Variants in NAALAD2 observed in about 807,000 individuals in gnomAD.
NAALAD2 encodes N-acetylated-alpha-linked acidic dipeptidase 2.
In NAALAD2, 89 loss-of-function variants were observed where a neutral mutation model predicts 95.6. The ratio of observed to expected loss-of-function variants is 0.93; its 90% CI spans 0.78 to 1.11. The LOEUF (loss-of-function observed/expected upper bound fraction) is 1.11, where lower values mean the gene tolerates loss of function less well. Among genes scored for constraint, NAALAD2 ranks in the 50% least tolerant of loss-of-function variants. The pLI is 0.00. For synonymous variants in NAALAD2, 264 were observed against 294.4 expected (o/e 0.90, Z 1.06); for missense variants, 894 against 872.4 (o/e 1.02, Z -0.31).
chr11:90,172,328 C>T (rs921721247), intron 13 of NAALAD2, among the ~76,000 whole-genome samples: 2 of 152,130 alleles, frequency 1.3e-5, no homozygotes, highest in African/African-American at 2.4e-5. Flanking sequence ...CTCATTCATA[C>T]AAAGCTAAGG....
rs573695006 is a variant in NAALAD2, at chr11:90,147,367, C to G, written c.232C>G (p.Gln78Glu). ...GCTTCCTCATCTGGCAGGAACAGAA[C>G]AAAATTTCTTGCTTGCCAAGAAAAT... ...TKLPHLAGTEQNFLLAKKIQT... is the reference protein window; with the variant it reads ...TKLPHLAGTEENFLLAKKIQT... Residue 78 changes from glutamine to glutamate, a missense_variant, in exon 3 of 19, where the codon CAA becomes GAA. Gln to Glu is a conservative substitution (Grantham distance 29, BLOSUM62 2). Coordinates refer to ENST00000534061, the MANE Select transcript of NAALAD2 (RefSeq NM_005467.4). 6.2e-7 allele frequency: 1 copy of G among 1,613,910 alleles called. No homozygotes were observed. The highest frequency in any genetic ancestry group is 8.5e-7 in the Non-Finnish European group (1 of 1,179,942).
intron 2 of NAALAD2, among the ~76,000 whole-genome samples, chr11:90,138,772 A>G (rs10830417): frequency 0.17 from 17,653 of 106,670 alleles, 1,817 homozygotes; most frequent in Admixed American, 0.39. Context: ...CATATTCACA[A>G]TCTCTTTCAT....
At chr11:90,154,324 T>C (rs11018883) in intron 6 of NAALAD2, among the ~76,000 whole-genome samples, 20,238 of 151,890 alleles carry the variant, frequency 0.13, 1,519 homozygotes, top group South Asian at 0.2. Flanking sequence ...AGTTTACTTC[T>C]ATCCTAATAT....
At chr11:90,176,104 C>T (rs1375174315) in intron 15 of NAALAD2, 42 bp downstream of exon 15, 1 of 1,481,756 alleles carries the variant, frequency 6.7e-7, no homozygotes, top group Non-Finnish European at 9.4e-7. Context: ...ATTTCATCTA[C>T]AGTCCTTTGG....
At chr11:90,182,214 A>G (rs1952994106) in intron 17 of NAALAD2, among the ~76,000 whole-genome samples, 1 of 152,130 alleles carries the variant, frequency 6.6e-6, no homozygotes, top group Non-Finnish European at 1.5e-5. Flanking sequence ...CCACTTTCAC[A>G]TTGAAAATAG....
At chr11:90,154,888 TG>T in intron 6 of NAALAD2, among the ~76,000 whole-genome samples, 1 of 117,786 alleles carries the variant, frequency 8.5e-6, no homozygotes, top group Non-Finnish European at 1.7e-5. Context: ...ACATAATATA[TG>T]TATATATTAT....
In NAALAD2 at chr11:90,134,692, T is replaced by C; in HGVS notation, c.-67T>C. On this transcript the variant is annotated 5_prime_UTR_variant, in exon 1 of 19. Transcript: ENST00000534061. ...CTCACAGCCTCCTGCCAGCGCGCTC[T>C]CTGTTTCTCTGCAGCCCCGAAGCTC... 1 of 1,524,930 alleles carries C rather than the reference T, an allele frequency of 6.6e-7. No individual in the cohort carries two copies. The highest frequency in any genetic ancestry group is 9.1e-7 in the Non-Finnish European group (1 of 1,101,622). 94.5% of individuals were successfully genotyped at this position (1,524,930 alleles called of 1,614,324 possible).
At position 90,177,586 on chromosome 11, in the gene NAALAD2, G is replaced by T. The variant is rs78919628; in HGVS notation, c.1594-267G>T. ...TATGGTTGTATTTTTTCTTTTTCTT[G>T]TTTTTTTTTTTTTTTTTTTTTTTTT... On this transcript the variant is annotated intron_variant, in intron 15 of 18. Transcript: ENST00000534061. Among the ~76,000 whole-genome samples the T allele has an allele frequency of 2.2e-3, 62 of 28,434 alleles. No homozygotes were observed. In the East Asian group the frequency reaches 0.031, roughly 14 times the overall value. The allele number at this position is 28,434 out of a possible 152,430, so 18.7% of individuals were successfully genotyped here. A position where few individuals can be genotyped will look rare whatever the true frequency, so the allele number is the denominator to read the frequency against.
rs1481663905 is a variant in NAALAD2 at position 90,158,215 on chromosome 11, T to C, written c.867T>C (p.Tyr289=). 2 of 1,608,940 alleles carry C rather than the reference T, an allele frequency of 1.2e-6. No individual in the cohort carries two copies. Among genetic ancestry groups the C allele is most frequent in the Admixed American group, 1.7e-5 (1 of 59,848 alleles). ...IPRIPVHPIG[Y]NDAEILLRYL... is the part of the protein sequence containing the mutation. Reference sequence around the variant, plus strand: ...GAATACCTGTACATCCCATTGGATATAATGATGCAGAAATATTATTACGGT... The same window carrying C: ...GAATACCTGTACATCCCATTGGATACAATGATGCAGAAATATTATTACGGT... Residue 289 remains tyrosine, a synonymous_variant, in exon 7 of 19, where the codon TAT becomes TAC. Transcript: ENST00000534061.
intron 18 of NAALAD2, among the ~76,000 whole-genome samples, chr11:90,188,100 T>C (rs1045917900): frequency 1.3e-5 from 2 of 152,140 alleles, no homozygotes; most frequent in African/African-American, 4.8e-5. Flanking sequence ...TTTGAACAGT[T>C]TGAACTGACC....
intron 11 of NAALAD2, 102 bp downstream of exon 11, chr11:90,163,719 G>A: frequency 9.1e-7 from 1 of 1,099,606 alleles, no homozygotes; most frequent in Non-Finnish European, 1.4e-6. Flanking sequence ...ACCTAATATG[G>A]TTTTGTTTTG....
At chr11:90,135,477 A>G in intron 1 of NAALAD2, 82 bp from the exon 2 acceptor site, 2 of 869,662 alleles carry the variant, frequency 2.3e-6, no homozygotes, top group Non-Finnish European at 3.5e-6. Context: ...GGGGGGAAGG[A>G]CAGAGGGGTG....
At chr11:90,155,411 A>AC (rs1952052938) in intron 6 of NAALAD2, among the ~76,000 whole-genome samples, 1 of 105,474 alleles carries the variant, frequency 9.5e-6, no homozygotes, top group Non-Finnish European at 1.7e-5. Flanking sequence ...TATATAATGT[A>AC]ATATTACATA....
intron 2 of NAALAD2, among the ~76,000 whole-genome samples, chr11:90,140,246 A>C (rs576622857): frequency 6.6e-6 from 1 of 152,304 alleles, no homozygotes; most frequent in Non-Finnish European, 1.5e-5. Context: ...AATGTATTAC[A>C]GTTAATTTTA....
chr11:90,186,931 AC>A (rs2134995832), intron 18 of NAALAD2, among the ~76,000 whole-genome samples: 1 of 142,070 alleles, frequency 7.0e-6, no homozygotes, highest in East Asian at 2.0e-4. Context: ...TACTCATCTG[AC>A]AAAGGGCTAA....
intron 8 of NAALAD2, among the ~76,000 whole-genome samples, chr11:90,160,352 A>C (rs7948281): frequency 0.01 from 1,563 of 152,310 alleles, 27 homozygotes; most frequent in African/African-American, 0.036. Context: ...AGAGAAATGT[A>C]ACACTGATAA....
chr11:90,135,757 G>A (rs375238994), intron 2 of NAALAD2, 87 bp downstream of exon 2: 6 of 1,036,732 alleles, frequency 5.8e-6, no homozygotes, highest in African/African-American at 4.9e-5. Flanking sequence ...TATGCATGAG[G>A]ACAGTCTTCT....
intron 18 of NAALAD2, among the ~76,000 whole-genome samples, chr11:90,191,343 G>C (rs1472185737): frequency 6.7e-6 from 1 of 150,210 alleles, no homozygotes; most frequent in African/African-American, 2.5e-5. Flanking sequence ...TTCGCAACAT[G>C]GTATATGATT....
Position 90,147,401 on chromosome 11 carries a change from A to G in NAALAD2, c.266A>G (p.Gln89Arg), listed in dbSNP as rs1951772752. The change falls in exon 3 of 19, where the codon CAG becomes CGG. Residue 89 changes from glutamine (Q) to arginine (R), a missense_variant. Coordinates refer to ENST00000534061, the MANE Select transcript of NAALAD2 (RefSeq NM_005467.4). ...TTGCTTGCCAAGAAAATCCAAACCC[A>G]GTGGAAGAAATTTGGACTAGATTCA... ...NFLLAKKIQT[Q>R]WKKFGLDSAK... 1 of 1,613,938 alleles carries G rather than the reference A, an allele frequency of 6.2e-7. No homozygotes were observed. Among genetic ancestry groups the G allele is most frequent in the Non-Finnish European group, 8.5e-7 (1 of 1,179,974 alleles).
Sources: allele counts gnomAD v4.1 joint callset (sites outside exome capture counted in the v4.1 genomes callset), GRCh38; gene constraint gnomAD v4.1.1; transcripts MANE v1.5; gene names NCBI Gene and HGNC (gene_info 2026-07-23, HGNC 2026-07-21).